VSIR: variants seen among roughly 807,000 people sequenced by gnomAD.
VSIR encodes the protein V-type immunoglobulin domain-containing suppressor of T-cell activation.
In VSIR, 10 loss-of-function variants were observed where a neutral mutation model predicts 31.0. The ratio of observed to expected loss-of-function variants is 0.32; its 90% CI spans 0.20 to 0.55. VSIR has a LOEUF of 0.55. Ranked by LOEUF, VSIR falls within the 20% of genes least tolerant of loss-of-function variation. The probability of loss-of-function intolerance (pLI) is 0.93; values close to 1 mark genes in which losing one functional copy is unlikely to be tolerated. For synonymous variants in VSIR, 179 were observed against 180.1 expected (o/e 0.99, Z 0.05); for missense variants, 356 against 416.2 (o/e 0.86, Z 1.26).
chr10:71,759,075 A>T (rs1273752541), intron 3 of VSIR, among the ~76,000 whole-genome samples: 2 of 150,370 alleles, frequency 1.3e-5, no homozygotes, highest in African/African-American at 4.9e-5. Context: ...GTCTTGCTCT[A>T]TCAGCAGGCT....
chr10:71,773,345 C>G lies in VSIR; in HGVS notation c.82+13G>C. On this transcript the variant is annotated intron_variant, in intron 1 of 6. Transcript: ENST00000394957. The stretch of plus-strand genomic sequence containing the variant: ...CCAGCTTTTTCCCAGCGCCCCGCCT[C>G]CCCCGACCTTACCTAGGGACGCAGC... 6.2e-7 allele frequency: 1 copy of G among 1,601,452 alleles called. No individual in the cohort carries two copies. The highest frequency in any genetic ancestry group is 8.5e-7 in the Non-Finnish European group (1 of 1,174,138).
chr10:71,761,769 C>A lies in VSIR; in HGVS notation c.340G>T (p.Ala114Ser), dbSNP rs748192850. ...HQAANTSHDL[A>S]QRHGLESASD... ...GCCGACTCCAGCCCGTGGCGCTGAG[C>A]CAGGTCGTGGCTGGTGTTGGCAGCC... Residue 114 changes from alanine to serine, a missense_variant, in exon 2 of 7, where the codon GCT (alanine) becomes TCT (serine). Ala to Ser is a moderately conservative substitution (Grantham distance 99). Around this residue, in one of 2 missense-constraint regions of VSIR, gnomAD observed 166 missense variants for 231.0 expected, o/e 0.72. Transcript: ENST00000394957. 7 of 1,614,160 alleles carry A rather than the reference C, an allele frequency of 4.3e-6. No individual in the cohort carries two copies. The highest frequency in any genetic ancestry group is 5.1e-6 in the Non-Finnish European group (6 of 1,180,030).
Position 71,767,325 on chromosome 10 carries a change from G to A in VSIR, c.83-5299C>T, listed in dbSNP as rs183794157. On this transcript the variant is annotated intron_variant, in intron 1 of 6. Coordinates refer to ENST00000394957, the MANE Select transcript of VSIR (RefSeq NM_022153.2). ...CTTAGCCCACAGTCGCCAAGGCAAC[G>A]CCCTAGCCTTTGGAGGTGGGACCCA... Among the ~76,000 whole-genome samples, 412 of 152,332 alleles carry A rather than the reference G, an allele frequency of 2.7e-3. 4 individuals carry two copies. The highest frequency in any genetic ancestry group is 4.2e-3 in the Non-Finnish European group (285 of 68,032).
At chr10:71,754,839 C>G (rs1840092442) in intron 4 of VSIR, among the ~76,000 whole-genome samples, 1 of 152,202 alleles carries the variant, frequency 6.6e-6, no homozygotes, top group Non-Finnish European at 1.5e-5. Context: ...AGCTCTGCCA[C>G]TTACTAAGTT....
chr10:71,748,841 G>T lies in VSIR; in HGVS notation c.*2412C>A, dbSNP rs1324338573. ...GCCTGCCCCTCCCCAGCAGCAGCAGGGAGGGACGTCCCTAGTGCGTTGTAG... is the reference window on the plus strand; with the variant it reads ...GCCTGCCCCTCCCCAGCAGCAGCAGTGAGGGACGTCCCTAGTGCGTTGTAG... On this transcript the variant is annotated 3_prime_UTR_variant, in exon 7 of 7. Transcript: ENST00000394957. 1 of 152,760 alleles carries T rather than the reference G, an allele frequency of 6.5e-6. No homozygotes were observed. Among genetic ancestry groups the T allele is most frequent in the African/African-American group, 2.4e-5 (1 of 41,468 alleles). The allele number at this position is 152,760 out of a possible 1,614,324, so 9.5% of individuals were successfully genotyped here.
intron 1 of VSIR, among the ~76,000 whole-genome samples, chr10:71,762,552 C>T (rs1021023019): frequency 6.6e-6 from 1 of 152,238 alleles, no homozygotes; most frequent in African/African-American, 2.4e-5. Context: ...GCATGGCCTC[C>T]CCTTGAGCAG....
At chr10:71,763,503 G>A (rs1439048314) in intron 1 of VSIR, among the ~76,000 whole-genome samples, 3 of 152,098 alleles carry the variant, frequency 2.0e-5, no homozygotes. Flanking sequence ...CAGGACCCTC[G>A]GCGGCAGGCT....
rs1564779098 is a variant in VSIR, at chr10:71,759,844, C to CATAT, written c.568+1023_568+1024insATAT. ...ATACACACACACACACACACACACA[C>CATAT]ACATATACACACACACACACATATA... On this transcript the variant is annotated intron_variant, in intron 3 of 6. Coordinates refer to ENST00000394957, the MANE Select transcript of VSIR (RefSeq NM_022153.2). Among the ~76,000 whole-genome samples the CATAT allele has an allele frequency of 4.8e-3, 120 of 24,942 alleles. 15 individuals are homozygous for CATAT. The highest frequency in any genetic ancestry group is 0.034 in the East Asian group (21 of 624). 16.4% of individuals were successfully genotyped at this position (24,942 alleles called of 152,430 possible).
chr10:71,761,816 T>C lies in VSIR; in HGVS notation c.293A>G (p.His98Arg), dbSNP rs761471586. 3 of 1,613,868 alleles carry C rather than the reference T, an allele frequency of 1.9e-6. No individual in the cohort carries two copies. Among genetic ancestry groups the C allele is most frequent in the African/African-American group, 2.7e-5 (2 of 74,872 alleles). ...AGCCTGGTGGCCTCCATGGTGCAGG[T>C]GAAGGTCCTGGAACGTGAGGTTGCG... ...PIRNLTFQDL[H>R]LHHGGHQAAN... The change falls in exon 2 of 7, where the codon CAC (histidine) becomes CGC (arginine). Residue 98 changes from histidine to arginine, a missense_variant. Physicochemically the swap from His to Arg is conservative, Grantham distance 29. Around this residue, in one of 2 missense-constraint regions of VSIR, gnomAD observed 166 missense variants for 231.0 expected, o/e 0.72. Transcript: ENST00000394957.
Position 71,773,374 on chromosome 10 carries a change from G to A in VSIR, c.66C>T (p.Phe22=), listed in dbSNP as rs370261405. The change falls in exon 1 of 7, where the codon TTC becomes TTT. Residue 22 remains phenylalanine, a synonymous_variant. Coordinates refer to ENST00000394957, the MANE Select transcript of VSIR (RefSeq NM_022153.2). The stretch of plus-strand genomic sequence containing the variant: ...CGACCTTACCTAGGGACGCAGCCAG[G>A]AAGAGAGCGAAGAGCAGGGATCCCC... ...WRWGSLLFAL[F]LAASLGPVAA... 3 of 1,609,472 alleles carry A rather than the reference G, an allele frequency of 1.9e-6. No homozygotes were observed. Among genetic ancestry groups the A allele is most frequent in the Non-Finnish European group, 2.5e-6 (3 of 1,178,328 alleles).
chr10:71,763,642 C>T (rs943094876), intron 1 of VSIR, among the ~76,000 whole-genome samples: 2 of 152,238 alleles, frequency 1.3e-5, no homozygotes, highest in Non-Finnish European at 2.9e-5. Context: ...CCCGACTCCT[C>T]ACTCACAGAT....
At chr10:71,766,901 A>T (rs1192535210) in intron 1 of VSIR, among the ~76,000 whole-genome samples, 1 of 152,210 alleles carries the variant, frequency 6.6e-6, no homozygotes. Flanking sequence ...GAAAAAATGA[A>T]CTGACCGTGC....
intron 1 of VSIR, among the ~76,000 whole-genome samples, chr10:71,766,686 C>A (rs930744968): frequency 5.3e-5 from 8 of 152,156 alleles, no homozygotes; most frequent in African/African-American, 1.9e-4. Context: ...TCTCATAACA[C>A]CCCCAACATG....
chr10:71,758,112 T>G (rs952057316), intron 3 of VSIR, among the ~76,000 whole-genome samples: 1 of 152,122 alleles, frequency 6.6e-6, no homozygotes, highest in Non-Finnish European at 1.5e-5. Context: ...GGCGGGTAGA[T>G]CACTTGAGCC....
intron 3 of VSIR, among the ~76,000 whole-genome samples, chr10:71,757,031 G>C (rs1356093786): frequency 6.6e-6 from 1 of 152,244 alleles, no homozygotes; most frequent in African/African-American, 2.4e-5. Flanking sequence ...GTTCCCTGCA[G>C]ATCTTAGCAA....
intron 1 of VSIR, among the ~76,000 whole-genome samples, chr10:71,772,078 C>T (rs1049161160): frequency 2.0e-5 from 3 of 152,176 alleles, no homozygotes; most frequent in African/African-American, 7.2e-5. Flanking sequence ...TGAGACTGTC[C>T]ATTCCACCTC....
intron 1 of VSIR, among the ~76,000 whole-genome samples, chr10:71,764,156 C>A (rs1840470100): frequency 6.6e-6 from 1 of 152,180 alleles, no homozygotes; most frequent in African/African-American, 2.4e-5. Flanking sequence ...GATCTCAAAG[C>A]CTGGAGCATG....
Position 71,751,317 on chromosome 10 carries a change from A to AT in VSIR, c.899-28_899-27insA. The AT allele has an allele frequency of 6.2e-7, 1 of 1,605,648 alleles. No individual in the cohort carries two copies. Among genetic ancestry groups the AT allele is most frequent in the Non-Finnish European group, 8.5e-7 (1 of 1,175,506 alleles). ...TGCAAGAAAAGGAGAAGCAAAGTGA[A>AT]CGGGGCCCCTCTGCCCCTCACCCTC... is the stretch of plus-strand genomic sequence containing the variant. On this transcript the variant is annotated intron_variant, in intron 6 of 6. Coordinates refer to ENST00000394957, the MANE Select transcript of VSIR (RefSeq NM_022153.2). The surrounding 1 kb of genome is among the most constrained non-coding windows in gnomAD (Gnocchi z 4.9).
intron 3 of VSIR, chr10:71,760,561 A>T: frequency 3.4e-6 from 1 of 290,166 alleles, no homozygotes; most frequent in South Asian, 6.9e-5. Flanking sequence ...GCAGGGCGGC[A>T]CTTAGCTGCC....
Sources: allele counts gnomAD v4.1 joint callset (sites outside exome capture counted in the v4.1 genomes callset), GRCh38; gene constraint gnomAD v4.1.1; regional missense constraint gnomAD v4.1.1; non-coding constraint Gnocchi (gnomAD v3.1); transcripts MANE v1.5; gene names NCBI Gene and HGNC (gene_info 2026-07-23, HGNC 2026-07-21).